Variants in TRPM1 observed in about 807,000 individuals in gnomAD.
TRPM1 encodes the protein transient receptor potential cation channel subfamily M member 1.
In TRPM1, 113 loss-of-function variants were observed where a neutral mutation model predicts 149.4. That is an observed-to-expected ratio of 0.76 (90% CI 0.65 to 0.88). The LOEUF (loss-of-function observed/expected upper bound fraction) is 0.88, where lower values mean the gene tolerates loss of function less well. TRPM1 is among the 40% of genes least tolerant of loss of function. The pLI, the probability that TRPM1 is intolerant of heterozygous loss-of-function variation, is 0.00. For synonymous variants in TRPM1, 741 were observed against 759.5 expected, an observed-to-expected ratio of 0.98 and a Z score of 0.40; for missense variants, 1,976 against 2,038.7, an observed-to-expected ratio of 0.97 and a Z score of 0.59.
intron 20 of TRPM1, among the ~76,000 whole-genome samples, chr15:31,037,156 T>C (rs2959043): frequency 1 from 152,378 of 152,380 alleles, 76,188 homozygotes; most frequent in Middle Eastern, 1. Flanking sequence ...TTCTTGTTAG[T>C]AGAGAGCCAC....
chr15:31,129,104 A>T (rs1321747658), intron 1 of TRPM1, among the ~76,000 whole-genome samples: 1 of 152,208 alleles, frequency 6.6e-6, no homozygotes, highest in African/African-American at 2.4e-5. Flanking sequence ...CATGTGGATC[A>T]GCCTTTGGAG....
chr15:31,087,859 G>T (rs1176591324), intron 1 of TRPM1, among the ~76,000 whole-genome samples: 1 of 152,114 alleles, frequency 6.6e-6, no homozygotes, highest in East Asian at 1.9e-4. Flanking sequence ...CTGGTGGGAG[G>T]GAGGAATGGG....
chr15:31,064,076 C>G (rs2034306310), intron 7 of TRPM1, among the ~76,000 whole-genome samples: 1 of 152,214 alleles, frequency 6.6e-6, no homozygotes, highest in Admixed American at 6.5e-5. Context: ...CTGGGCCAAT[C>G]ACCAAATCAC....
At position 31,101,674 on chromosome 15, in the gene TRPM1, T is replaced by C. The variant is rs574197357; in HGVS notation, c.-101A>G. Reference sequence around the variant, plus strand: ...GAGCTTACCTGCCACAGCAGTGGAATGGAGAGGGCACAGCTCAGGCTCTTT... The same window carrying C: ...GAGCTTACCTGCCACAGCAGTGGAACGGAGAGGGCACAGCTCAGGCTCTTT... On this transcript the variant is annotated 5_prime_UTR_variant, in exon 1 of 28. Coordinates refer to ENST00000256552, the MANE Select transcript of TRPM1 (RefSeq NM_001252024.2). 6 of 985,840 alleles carry C rather than the reference T, an allele frequency of 6.1e-6. No homozygotes were observed. The Admixed American group carries it at 3.1e-4, about 50-fold the overall frequency. The allele number at this position is 985,840 out of a possible 1,614,324, so 61.1% of individuals were successfully genotyped here.
chr15:31,001,985 G>A lies in TRPM1; in HGVS notation c.4715C>T (p.Ser1572Leu). The change falls in exon 28 of 28, where the codon TCA (serine) becomes TTA (leucine). Residue 1572 changes from serine to leucine, a missense_variant. This residue lies in a region of TRPM1 where 572 missense variants were observed against 578.9 expected (regional missense o/e 0.99). Transcript: ENST00000256552. Reference sequence around the variant, plus strand: ...CCTAGGATGTCCATGTAAACTTTTTGACCTGAGAGATGGGAATCCCAAAGT... The same window carrying A: ...CCTAGGATGTCCATGTAAACTTTTTAACCTGAGAGATGGGAATCCCAAAGT... ...DQTLGFPSLR[S>L]KSLHGHPRNV... 1.2e-6 allele frequency: 2 copies of A among 1,614,022 alleles called. No homozygotes were observed. Among genetic ancestry groups the A allele is most frequent in the South Asian group, 2.2e-5 (2 of 91,082 alleles).
At chr15:31,124,654 CAA>C (rs57964365) in intron 1 of TRPM1, among the ~76,000 whole-genome samples, 1,666 of 86,376 alleles carry the variant, frequency 0.019, 33 homozygotes, top group African/African-American at 0.064. Context: ...GACTCTGTCT[CAA>C]AAAAAAAAAA....
chr15:31,094,103 A>G (rs889444705), intron 1 of TRPM1, among the ~76,000 whole-genome samples: 3 of 152,212 alleles, frequency 2.0e-5, no homozygotes, highest in Non-Finnish European at 2.9e-5. Context: ...AGACCATTCA[A>G]TGGGGGAAAA....
intron 1 of TRPM1, among the ~76,000 whole-genome samples, chr15:31,110,557 A>G (rs2035670340): frequency 6.6e-6 from 1 of 152,182 alleles, no homozygotes; most frequent in Non-Finnish European, 1.5e-5. Flanking sequence ...GAGCCTTAAG[A>G]TCCAAGTTGG....
intron 3 of TRPM1, among the ~76,000 whole-genome samples, chr15:31,071,016 C>T (rs968138408): frequency 1.3e-5 from 2 of 152,228 alleles, no homozygotes; most frequent in African/African-American, 4.8e-5. Flanking sequence ...AGCTCTACAG[C>T]ATCTCTCCCA....
chr15:31,002,369 C>T lies in TRPM1; in HGVS notation c.4331G>A (p.Arg1444His), dbSNP rs748246121. ...SYPLEETKIT[R>H]YFPDETINAC... Reference sequence around the variant, plus strand: ...ATTGATCGTTTCATCGGGGAAATAGCGTGTAATTTTGGTTTCTTCCAGGGG... The same window carrying T: ...ATTGATCGTTTCATCGGGGAAATAGTGTGTAATTTTGGTTTCTTCCAGGGG... The change falls in exon 28 of 28, where the codon CGC becomes CAC. Residue 1444 changes from arginine to histidine, a missense_variant. By Grantham distance (29) the Arg-to-His change is conservative. This residue lies in a region of TRPM1 where 572 missense variants were observed against 578.9 expected (regional missense o/e 0.99). Transcript: ENST00000256552. 3.1e-6 allele frequency: 5 copies of T among 1,614,152 alleles called. No individual in the cohort carries two copies. Among genetic ancestry groups the T allele is most frequent in the South Asian group, 2.2e-5 (2 of 91,086 alleles).
chr15:31,033,934 T>C (rs2033219930), intron 21 of TRPM1, among the ~76,000 whole-genome samples: 1 of 152,164 alleles, frequency 6.6e-6, no homozygotes, highest in African/African-American at 2.4e-5. Context: ...CAGTGCTCTT[T>C]TGGTTTTTCA....
At chr15:31,034,053 T>G (rs1250795301) in intron 21 of TRPM1, among the ~76,000 whole-genome samples, 1 of 152,220 alleles carries the variant, frequency 6.6e-6, no homozygotes, top group African/African-American at 2.4e-5. Flanking sequence ...TAGTATTGGT[T>G]GTATATCAGT....
chr15:31,051,186 G>A (rs1273299373), intron 11 of TRPM1, among the ~76,000 whole-genome samples: 3 of 152,158 alleles, frequency 2.0e-5, no homozygotes, highest in Non-Finnish European at 2.9e-5. Context: ...AGAACAGGAG[G>A]GACAGCAGAA....
chr15:31,025,793 G>C (rs1232771526), intron 27 of TRPM1, among the ~76,000 whole-genome samples: 1 of 152,198 alleles, frequency 6.6e-6, no homozygotes, highest in Non-Finnish European at 1.5e-5. Flanking sequence ...GACCATGCTC[G>C]CAAAGGGAAG....
Position 31,037,767 on chromosome 15 carries a change from C to G in TRPM1, c.2515G>C (p.Gly839Arg). The change falls in exon 20 of 28, where the codon GGA (glycine) becomes CGA (arginine). Residue 839 changes from glycine (G) to arginine (R), a missense_variant. Gly to Arg is a moderately radical substitution (Grantham distance 125). Transcript: ENST00000256552. ...EHKKQRSIPI[G>R]TKICEFYNAP... ...TTATAGAATTCACAGATCTTTGTTCCGATGGGAATACTTCTCTGTTTTTTG... is the reference window on the plus strand; with the variant it reads ...TTATAGAATTCACAGATCTTTGTTCGGATGGGAATACTTCTCTGTTTTTTG... The G allele has an allele frequency of 6.2e-7, 1 of 1,614,164 alleles. No individual in the cohort carries two copies. Among genetic ancestry groups the G allele is most frequent in the Non-Finnish European group, 8.5e-7 (1 of 1,180,038 alleles).
At chr15:31,053,572 C>T (rs899933402) in intron 11 of TRPM1, among the ~76,000 whole-genome samples, 2 of 152,156 alleles carry the variant, frequency 1.3e-5, no homozygotes, top group African/African-American at 2.4e-5. Context: ...GCCAAGATGG[C>T]TATTATCTAA....
intron 27 of TRPM1, among the ~76,000 whole-genome samples, chr15:31,016,002 C>T (rs2032344214): frequency 6.6e-6 from 1 of 152,048 alleles, no homozygotes; most frequent in Non-Finnish European, 1.5e-5. Context: ...CATTTGATGA[C>T]CCCAGCTGTG....
Position 31,160,756 on chromosome 15 carries a change from G to A in TRPM1, c.54+150C>T, listed in dbSNP as rs999721873. Reference sequence around the variant, plus strand: ...TCTGAGAAGGGACCCTGACGTGAGAGCTCTGAACACCCCATGCCCCATGCC... The same window carrying A: ...TCTGAGAAGGGACCCTGACGTGAGAACTCTGAACACCCCATGCCCCATGCC... On this transcript the variant is annotated intron_variant, in intron 1 of 26. Coordinates refer to the TRPM1 transcript ENST00000542188. 11 of 785,446 alleles carry A rather than the reference G, an allele frequency of 1.4e-5. No homozygotes were observed. The African/African-American group carries it at 1.9e-4, about 13-fold the overall frequency. The allele number at this position is 785,446 out of a possible 1,614,324, so 48.7% of individuals were successfully genotyped here.
At chr15:31,158,489 T>G (rs2036405242) in intron 1 of TRPM1, among the ~76,000 whole-genome samples, 2 of 151,716 alleles carry the variant, frequency 1.3e-5, no homozygotes, top group South Asian at 4.2e-4. Flanking sequence ...TATCCGGGTG[T>G]GGTGGCAGGT....
Sources: allele counts gnomAD v4.1 joint callset (sites outside exome capture counted in the v4.1 genomes callset), GRCh38; gene constraint gnomAD v4.1.1; regional missense constraint gnomAD v4.1.1; transcripts MANE v1.5; gene names NCBI Gene and HGNC (gene_info 2026-07-23, HGNC 2026-07-21).